Variants in NLRP5 observed in about 807,000 individuals in gnomAD.
NLRP5 encodes the protein NLR family pyrin domain containing 5.
A neutral mutation model predicts 113.1 loss-of-function variants in NLRP5; 93 were observed. The observed-to-expected ratio is 0.82, with a 90% CI of 0.70 to 0.98. The LOEUF is 0.98. Among genes scored for constraint, NLRP5 ranks in the 50% least tolerant of loss-of-function variants. The probability of loss-of-function intolerance (pLI) is 0.00; values close to 1 mark genes in which losing one functional copy is unlikely to be tolerated. For missense variants in NLRP5, 1,808 were observed against 1,514.3 expected, an observed-to-expected ratio of 1.19 and a Z score of -3.22; for synonymous variants, 751 against 600.7, an observed-to-expected ratio of 1.25 and a Z score of -3.66.
chr19:56,010,755 A>AAAAAAAAAG (rs78321861), intron 3 of NLRP5, among the ~76,000 whole-genome samples: 1 of 125,982 alleles, frequency 7.9e-6, no homozygotes, highest in African/African-American at 3.0e-5. Flanking sequence ...AAAAAAAAAA[A>AAAAAAAAAG]GTCCCTTGAA....
At chr19:55,989,900 C>G in the NLRP5 span, among the ~76,000 whole-genome samples, 2 of 152,226 alleles carry the variant, frequency 1.3e-5, no homozygotes, top group East Asian at 3.9e-4. Context: ...ATTTACACTT[C>G]ACTAATGTAG....
At chr19:56,000,078 T>C (rs1191388562) in intron 1 of NLRP5, among the ~76,000 whole-genome samples, 1 of 151,414 alleles carries the variant, frequency 6.6e-6, no homozygotes, top group Non-Finnish European at 1.5e-5. Context: ...TCAATGACAG[T>C]TGTCCAGGGA....
chr19:56,040,243 G>A (rs745933678), intron 10 of NLRP5, among the ~76,000 whole-genome samples: 13 of 151,992 alleles, frequency 8.6e-5, no homozygotes, highest in East Asian at 7.8e-4. Flanking sequence ...CACGGTGCCC[G>A]CCCTAAGTGT....
At position 56,061,632 on chromosome 19, in the gene NLRP5, G is replaced by A; in HGVS notation, c.*104G>A. Reference sequence around the variant, plus strand: ...CTGGGAGTTCCTTCTCAAAGATGGAGAATGATTTCTGATTCTCACAAAGCC... The same window carrying A: ...CTGGGAGTTCCTTCTCAAAGATGGAAAATGATTTCTGATTCTCACAAAGCC... On this transcript the variant is annotated 3_prime_UTR_variant, in exon 15 of 15. Coordinates refer to ENST00000390649, the MANE Select transcript of NLRP5 (RefSeq NM_153447.4). 7.9e-7 allele frequency: 1 copy of A among 1,261,062 alleles called. No homozygotes were observed. The highest frequency in any genetic ancestry group is 1.3e-5 in the South Asian group (1 of 75,000). 78.1% of individuals were successfully genotyped at this position (1,261,062 alleles called of 1,614,324 possible). A position where few individuals can be genotyped will look rare whatever the true frequency, so the allele number is the denominator to read the frequency against.
intron 12 of NLRP5, among the ~76,000 whole-genome samples, chr19:56,053,070 C>G (rs1451750377): frequency 1.3e-5 from 2 of 149,458 alleles, no homozygotes; most frequent in Non-Finnish European, 3.0e-5. Flanking sequence ...GCACTCCAGC[C>G]TGGGCAACAG....
chr19:56,049,535 C>G (rs1983853683), intron 11 of NLRP5, among the ~76,000 whole-genome samples: 1 of 150,680 alleles, frequency 6.6e-6, no homozygotes, highest in East Asian at 2.0e-4. Flanking sequence ...GTCTCGAACT[C>G]TTGACCTGGT....
intron 11 of NLRP5, among the ~76,000 whole-genome samples, chr19:56,043,542 CTTTTTTTTTTTTTTTTT>C (rs369622191): frequency 0.047 from 4,331 of 92,614 alleles, 276 homozygotes; most frequent in African/African-American, 0.13. Flanking sequence ...CTCTGCTATT[CTTTTTTTTTTTTTTTTT>C]TTTTTTTTTT....
chr19:56,060,793 C>A (rs978884970), intron 14 of NLRP5, among the ~76,000 whole-genome samples: 2 of 152,032 alleles, frequency 1.3e-5, no homozygotes, highest in Non-Finnish European at 2.9e-5. Context: ...TGGCTCACTG[C>A]CTGATGTGCT....
chr19:56,006,905 AATTT>A (rs900488530), intron 2 of NLRP5, among the ~76,000 whole-genome samples: 58 of 151,272 alleles, frequency 3.8e-4, no homozygotes, highest in African/African-American at 1.4e-3. Context: ...ACTCCTGGCT[AATTT>A]TTTGTATTTT....
rs1185778838 is a variant in NLRP5 at position 56,024,449 on chromosome 19, ATATACGTACATACATATATACGTGTG to A, written c.680-2452_680-2427del. 2.7e-5 allele frequency among the ~76,000 whole-genome samples: 4 copies of A among 146,880 alleles called. No individual in the cohort carries two copies. In the East Asian group the frequency reaches 7.8e-4, roughly 29 times the overall value. ...TATATACACATATACATATATTTAT[ATATACGTACATACATATATACGTGTG>A]TATACGTACATGCGTATATACATAT... On this transcript the variant is annotated intron_variant, in intron 6 of 14. Transcript: ENST00000390649.
At chr19:56,031,094 G>A (rs1002949802) in intron 7 of NLRP5, among the ~76,000 whole-genome samples, 1 of 151,562 alleles carries the variant, frequency 6.6e-6, no homozygotes, top group Non-Finnish European at 1.5e-5. Flanking sequence ...ACTCAGACAC[G>A]TGGGAAGGTA....
chr19:55,987,230 C>T, the NLRP5 span, among the ~76,000 whole-genome samples: 3 of 152,278 alleles, frequency 2.0e-5, no homozygotes, highest in Admixed American at 6.5e-5. Context: ...ATGAGCTGGG[C>T]GTGGTGGCAT....
chr19:56,015,685 G>A, intron 3 of NLRP5, 57 bp from the exon 4 acceptor site: 1 of 1,411,322 alleles, frequency 7.1e-7, no homozygotes, highest in Non-Finnish European at 9.6e-7. Context: ...CAACATCTCT[G>A]ATTTGAATAA....
At chr19:56,008,599 G>T (rs974862085) in intron 2 of NLRP5, among the ~76,000 whole-genome samples, 189 bp from the exon 3 acceptor site, 1 of 152,166 alleles carries the variant, frequency 6.6e-6, no homozygotes, top group Non-Finnish European at 1.5e-5. Flanking sequence ...TGTTTCTTCA[G>T]TGTGCTTCTG....
rs1042036070 is a variant in NLRP5, at chr19:56,055,318, A to C, written c.3299+1510A>C. Among the ~76,000 whole-genome samples, 3 of 151,312 alleles carry C rather than the reference A, an allele frequency of 2.0e-5. No individual in the cohort carries two copies. The East Asian group carries it at 5.9e-4, about 30-fold the overall frequency. On this transcript the variant is annotated intron_variant, in intron 13 of 14. Transcript: ENST00000390649. ...GGACCCTTTTCCTTCTTGAAGTCAC[A>C]CATTGTTCTTCAAGCTCATCACACC...
intron 14 of NLRP5, among the ~76,000 whole-genome samples, chr19:56,058,912 C>G (rs1485737020): frequency 6.6e-6 from 1 of 152,120 alleles, no homozygotes; most frequent in African/African-American, 2.4e-5. Context: ...CTGACACATG[C>G]TACATGATGG....
At chr19:55,996,490 C>G (rs1028519291), upstream of NLRP5, among the ~76,000 whole-genome samples, 1 of 152,138 alleles carries the variant, frequency 6.6e-6, no homozygotes, top group Non-Finnish European at 1.5e-5. Context: ...TCCTAATGCT[C>G]CCTCCCCCAC....
At chr19:56,046,824 G>T (rs925884832) in intron 11 of NLRP5, among the ~76,000 whole-genome samples, 3 of 152,150 alleles carry the variant, frequency 2.0e-5, no homozygotes, top group Non-Finnish European at 2.9e-5. Context: ...GAGCCATCGC[G>T]CCCAGCCACC....
chr19:56,041,995 C>G (rs1983539701), intron 11 of NLRP5, among the ~76,000 whole-genome samples: 1 of 152,050 alleles, frequency 6.6e-6, no homozygotes, highest in Non-Finnish European at 1.5e-5. Flanking sequence ...GCACAAAAAT[C>G]CAACAAACAC....
Sources: gnomAD v4.1 joint callset for allele counts (sites outside exome capture counted in the v4.1 genomes callset) on GRCh38, gnomAD v4.1.1 for gene constraint, MANE v1.5 for transcripts, NCBI Gene and HGNC (gene_info 2026-07-23, HGNC 2026-07-21) for gene names.